Variants in PTPRD observed in about 807,000 individuals in gnomAD.
PTPRD encodes receptor-type tyrosine-protein phosphatase delta.
In PTPRD, 34 loss-of-function variants were observed where a neutral mutation model predicts 214.5. That is an observed-to-expected ratio of 0.16 (90% confidence interval 0.12 to 0.21). The LOEUF (loss-of-function observed/expected upper bound fraction) is 0.21. Among genes scored for constraint, PTPRD ranks in the 10% least tolerant of loss-of-function variants. The probability of loss-of-function intolerance (pLI) is 1.00; values close to 1 mark genes in which losing one functional copy is unlikely to be tolerated. For synonymous variants in PTPRD, 1,128 were observed against 845.7 expected (o/e 1.33, Z -5.79); for missense variants, 2,545 against 2,398.7 (o/e 1.06, Z -1.27).
chr9:8,412,580 C>T (rs1346741464), intron 35 of PTPRD, among the ~76,000 whole-genome samples: 1 of 152,162 alleles, frequency 6.6e-6, no homozygotes, highest in Non-Finnish European at 1.5e-5. Context: ...ACCTGATGCA[C>T]AGTTATTACT....
chr9:9,933,834 G>C lies in PTPRD; in HGVS notation c.-368+4673C>G, dbSNP rs1307781084. Among the ~76,000 whole-genome samples the C allele has an allele frequency of 5.4e-5, 8 of 149,146 alleles. No individual in the cohort carries two copies. The East Asian group carries it at 1.4e-3, about 25-fold the overall frequency. On this transcript the variant is annotated intron_variant, in intron 5 of 45. Coordinates refer to ENST00000381196, the MANE Select transcript of PTPRD (RefSeq NM_002839.4). ...ATTGACCACATACTTGGAAGTAAAG[G>C]TCTCCTCAGAAAATGTAAAAGAACA... is the stretch of plus-strand genomic sequence containing the variant.
At chr9:9,407,341 A>G (rs913588186) in intron 8 of PTPRD, among the ~76,000 whole-genome samples, 8 of 151,740 alleles carry the variant, frequency 5.3e-5, no homozygotes, top group African/African-American at 1.9e-4. Context: ...TTTACTATTG[A>G]TGACATTTAG....
chr9:9,682,051 C>T (rs1206584133), intron 7 of PTPRD, among the ~76,000 whole-genome samples: 2 of 151,814 alleles, frequency 1.3e-5, no homozygotes, highest in East Asian at 1.9e-4. Flanking sequence ...TCTCGTTAAA[C>T]TGCCAACTAC....
chr9:9,656,130 G>A (rs918424901), intron 7 of PTPRD, among the ~76,000 whole-genome samples: 6 of 152,170 alleles, frequency 3.9e-5, no homozygotes, highest in African/African-American at 1.4e-4. Context: ...TTAAATTATG[G>A]TAAGGATGTG....
chr9:8,868,847 T>C (rs1390392820), intron 11 of PTPRD, among the ~76,000 whole-genome samples: 1 of 152,160 alleles, frequency 6.6e-6, no homozygotes, highest in Non-Finnish European at 1.5e-5. Context: ...AAACCTCCAC[T>C]GTGTGTGAGG....
At chr9:8,337,433 C>T (rs111817608) in intron 43 of PTPRD, among the ~76,000 whole-genome samples, 43 of 151,440 alleles carry the variant, frequency 2.8e-4, no homozygotes, top group African/African-American at 1.0e-3. Context: ...GGGAACATCA[C>T]ACACTGGGGC....
intron 5 of PTPRD, among the ~76,000 whole-genome samples, chr9:9,835,543 C>A (rs1319951395): frequency 6.6e-6 from 1 of 152,184 alleles, no homozygotes; most frequent in Non-Finnish European, 1.5e-5. Flanking sequence ...AAACTGGAGA[C>A]AAATGGGGTT....
Position 9,332,198 on chromosome 9 carries a change from G to A in PTPRD, c.-203+65251C>T, listed in dbSNP as rs1366782338. Among the ~76,000 whole-genome samples the A allele has an allele frequency of 2.6e-5, 4 of 152,072 alleles. No homozygotes were observed. In the East Asian group the frequency reaches 5.8e-4, roughly 22 times the overall value. On this transcript the variant is annotated intron_variant, in intron 9 of 45. Coordinates refer to ENST00000381196, the MANE Select transcript of PTPRD (RefSeq NM_002839.4). ...ATATATTTGAATCAGTCATTTATGT[G>A]CTTGCTTTCCTCTGAGATGGTGAAA...
chr9:8,948,467 A>ATATATT (rs1567182531), intron 11 of PTPRD, among the ~76,000 whole-genome samples: 2 of 5,748 alleles, frequency 3.5e-4, no homozygotes, highest in African/African-American at 4.9e-4. Flanking sequence ...ATATATATTT[A>ATATATT]CATATATATA....
At chr9:10,305,547 C>T (rs930989245) in intron 3 of PTPRD, among the ~76,000 whole-genome samples, 18 of 152,044 alleles carry the variant, frequency 1.2e-4, no homozygotes, top group African/African-American at 4.3e-4. Flanking sequence ...TATCCAGAAT[C>T]TACAAAGAGC....
rs1336042497 is a variant in PTPRD at position 8,987,379 on chromosome 9, G to A, written c.-104+31318C>T. On this transcript the variant is annotated intron_variant, in intron 11 of 45. Transcript: ENST00000381196. The stretch of plus-strand genomic sequence containing the variant: ...AATATTTCCAGCAGGAGCATGCGTT[G>A]CAGTACATTAACACAATGATTACTA... Among the ~76,000 whole-genome samples, 4 of 152,144 alleles carry A rather than the reference G, an allele frequency of 2.6e-5. No homozygotes were observed. The East Asian group carries it at 7.8e-4, about 29-fold the overall frequency.
At chr9:10,362,178 C>A (rs980786983) in intron 2 of PTPRD, among the ~76,000 whole-genome samples, 1 of 152,084 alleles carries the variant, frequency 6.6e-6, no homozygotes, top group Non-Finnish European at 1.5e-5. Context: ...AACAATCATA[C>A]TCAGAAAAGA....
chr9:10,138,157 G>C (rs78790764), intron 3 of PTPRD, among the ~76,000 whole-genome samples: 6,611 of 151,954 alleles, frequency 0.044, 190 homozygotes, highest in African/African-American at 0.075. Context: ...TAAACAAAGA[G>C]AAAAGAGATA....
intron 13 of PTPRD, among the ~76,000 whole-genome samples, chr9:8,634,773 T>G (rs1217128542): frequency 6.6e-6 from 1 of 151,918 alleles, no homozygotes; most frequent in Non-Finnish European, 1.5e-5. Flanking sequence ...TAAACCCAAT[T>G]TAAATGTTGA....
chr9:8,771,954 T>A (rs1024478400), intron 11 of PTPRD, among the ~76,000 whole-genome samples: 1 of 151,864 alleles, frequency 6.6e-6, no homozygotes, highest in Non-Finnish European at 1.5e-5. Context: ...TTAGCAAATA[T>A]CAGACTGTAA....
intron 11 of PTPRD, among the ~76,000 whole-genome samples, chr9:8,831,558 G>C (rs2097292536): frequency 6.6e-6 from 1 of 152,070 alleles, no homozygotes; most frequent in Non-Finnish European, 1.5e-5. Context: ...CAAATAGAAA[G>C]AGAAACAACT....
chr9:8,688,985 G>T (rs2097751702), intron 12 of PTPRD, among the ~76,000 whole-genome samples: 1 of 152,098 alleles, frequency 6.6e-6, no homozygotes, highest in Non-Finnish European at 1.5e-5. Context: ...ATAAATCAGG[G>T]CATGAGAAAC....
At chr9:9,799,875 C>T (rs957005113) in intron 5 of PTPRD, among the ~76,000 whole-genome samples, 28 of 151,654 alleles carry the variant, frequency 1.8e-4, no homozygotes, top group African/African-American at 6.3e-4. Context: ...TTTTTGAACT[C>T]TGATTAATCA....
intron 33 of PTPRD, among the ~76,000 whole-genome samples, chr9:8,451,162 G>A (rs564952222): frequency 2.1e-4 from 32 of 152,286 alleles, no homozygotes; most frequent in East Asian, 1.9e-4. Flanking sequence ...TGATACAAAG[G>A]GGACGTGCAC....
Sources: gnomAD v4.1 joint callset for allele counts (sites outside exome capture counted in the v4.1 genomes callset) on GRCh38, gnomAD v4.1.1 for gene constraint, MANE v1.5 for transcripts, NCBI Gene and HGNC (gene_info 2026-07-23, HGNC 2026-07-21) for gene names.